The following ATP8A2 variants were observed in gnomAD, a reference collection of about 807,000 sequenced individuals.
ATP8A2 encodes ATPase phospholipid transporting 8A2.
A neutral mutation model predicts 165.6 loss-of-function variants in ATP8A2; 100 were observed. That is an observed-to-expected ratio of 0.60 (90% CI 0.51 to 0.71). The LOEUF is 0.71. ATP8A2 is among the 30% of genes least tolerant of loss of function. ATP8A2 has a pLI of 0.00. For synonymous variants in ATP8A2, 543 were observed against 548.8 expected, an observed-to-expected ratio of 0.99 and a Z score of 0.15; for missense variants, 1,227 against 1,479.5, an observed-to-expected ratio of 0.83 and a Z score of 2.80.
In ATP8A2 at chr13:25,646,671, A is replaced by C. The variant is rs78749111; in HGVS notation, c.2212-52502A>C. Among the ~76,000 whole-genome samples the C allele has an allele frequency of 9.7e-5, 12 of 124,002 alleles. 3 individuals are homozygous for C. The highest frequency in any genetic ancestry group is 1.9e-4 in the Admixed American group (2 of 10,604). The allele number at this position is 124,002 out of a possible 152,430, so 81.4% of individuals were successfully genotyped here. Reference sequence around the variant, plus strand: ...CTCCATCTCAAAAAAAAAAAAAAAAACACACAAAAGAATCATTTAGTCACT... The same window carrying C: ...CTCCATCTCAAAAAAAAAAAAAAAACCACACAAAAGAATCATTTAGTCACT... On this transcript the variant is annotated intron_variant, in intron 24 of 36. Transcript: ENST00000381655.
intron 33 of ATP8A2, among the ~76,000 whole-genome samples, chr13:25,951,701 A>G (rs1955367340): frequency 6.6e-6 from 1 of 152,118 alleles, no homozygotes; most frequent in Non-Finnish European, 1.5e-5. Context: ...GGTGCTTTTG[A>G]GAACCCCTTA....
rs1411842072 is a variant in ATP8A2, at chr13:25,973,700, T to C, written c.3377+5021T>C. 6.6e-5 allele frequency among the ~76,000 whole-genome samples: 10 copies of C among 152,342 alleles called. No individual in the cohort carries two copies. The East Asian group carries it at 1.7e-3, about 26-fold the overall frequency. ...TTAAAACAGTGTTGAAAAAACTGTTTAGTATCATCACACCTCTAAGTCAAA... is the reference window on the plus strand; with the variant it reads ...TTAAAACAGTGTTGAAAAAACTGTTCAGTATCATCACACCTCTAAGTCAAA... On this transcript the variant is annotated intron_variant, in intron 35 of 36. Transcript: ENST00000381655.
intron 33 of ATP8A2, among the ~76,000 whole-genome samples, chr13:25,952,735 C>T (rs901067644): frequency 6.6e-6 from 1 of 152,144 alleles, no homozygotes; most frequent in Non-Finnish European, 1.5e-5. Flanking sequence ...CTGATATTTG[C>T]CTTCCCAGCA....
chr13:25,964,002 C>A (rs1955719902), intron 34 of ATP8A2, among the ~76,000 whole-genome samples: 2 of 152,230 alleles, frequency 1.3e-5, no homozygotes, highest in South Asian at 4.1e-4. Context: ...AGAGCATAAA[C>A]CCGGGCTCTG....
intron 1 of ATP8A2, among the ~76,000 whole-genome samples, chr13:25,454,353 G>A (rs2035306381): frequency 6.6e-6 from 1 of 152,132 alleles, no homozygotes; most frequent in African/African-American, 2.4e-5. Flanking sequence ...TGGAGCTAGA[G>A]GAGAAGCATC....
intron 27 of ATP8A2, among the ~76,000 whole-genome samples, chr13:25,793,186 T>G (rs1203477301): frequency 6.6e-6 from 1 of 152,198 alleles, no homozygotes; most frequent in Non-Finnish European, 1.5e-5. Context: ...CTTTCAATTT[T>G]GAGTTAATAT....
intron 1 of ATP8A2, among the ~76,000 whole-genome samples, chr13:25,394,546 C>T (rs967683603): frequency 1.3e-5 from 2 of 152,192 alleles, no homozygotes; most frequent in Non-Finnish European, 2.9e-5. Context: ...AAAGACAAAG[C>T]AGGAGGCGGC....
intron 35 of ATP8A2, among the ~76,000 whole-genome samples, chr13:26,002,920 T>G (rs1369900386): frequency 6.7e-6 from 1 of 148,506 alleles, no homozygotes; most frequent in Non-Finnish European, 1.5e-5. Flanking sequence ...CTTCATCCAC[T>G]CATTCATTGA....
chr13:25,731,018 G>C (rs1294207709), intron 25 of ATP8A2, among the ~76,000 whole-genome samples: 6 of 150,766 alleles, frequency 4.0e-5, no homozygotes, highest in Non-Finnish European at 8.8e-5. Context: ...AAGCTGTAGT[G>C]AGCCATGTTC....
chr13:25,905,756 G>A (rs577880155), intron 33 of ATP8A2, among the ~76,000 whole-genome samples: 4 of 151,800 alleles, frequency 2.6e-5, no homozygotes, highest in East Asian at 1.9e-4. Flanking sequence ...AGGACAGGGC[G>A]TTGGTTCCTG....
chr13:25,888,842 A>G (rs1317079778), intron 33 of ATP8A2, among the ~76,000 whole-genome samples: 2 of 152,212 alleles, frequency 1.3e-5, no homozygotes, highest in African/African-American at 4.8e-5. Flanking sequence ...CTGGGCGACA[A>G]GACGGAAACT....
rs1566230501 is a variant in ATP8A2 at position 25,531,421 on chromosome 13, A to ATATATATGAT, written c.420+768_420+769insGATTATATAT. On this transcript the variant is annotated intron_variant, in intron 4 of 36. Transcript: ENST00000381655. ...GATTATATATATGATTATATATATG[A>ATATATATGAT]TATATATATGATTATATATATGATT... Among the ~76,000 whole-genome samples the ATATATATGAT allele has an allele frequency of 1.9e-3, 57 of 30,180 alleles. 1 individual carries two copies. Among genetic ancestry groups the ATATATATGAT allele is most frequent in the African/African-American group, 9.3e-3 (54 of 5,812 alleles). 19.8% of individuals were successfully genotyped at this position (30,180 alleles called of 152,430 possible).
At chr13:25,458,428 T>G (rs537869928) in intron 1 of ATP8A2, among the ~76,000 whole-genome samples, 3 of 152,354 alleles carry the variant, frequency 2.0e-5, no homozygotes, top group African/African-American at 4.8e-5. Flanking sequence ...TTGCCCATGC[T>G]GGCCTTAAAC....
chr13:25,902,075 T>G (rs951374096), intron 33 of ATP8A2, among the ~76,000 whole-genome samples: 1 of 152,160 alleles, frequency 6.6e-6, no homozygotes, highest in Non-Finnish European at 1.5e-5. Flanking sequence ...AAAAATTTTT[T>G]GGCAATCTAG....
At chr13:25,813,356 G>C (rs995309552) in intron 27 of ATP8A2, among the ~76,000 whole-genome samples, 7 of 138,702 alleles carry the variant, frequency 5.0e-5, no homozygotes, top group African/African-American at 1.9e-4. Flanking sequence ...CAGTGGGAGA[G>C]ACAGGCAAGC....
intron 25 of ATP8A2, among the ~76,000 whole-genome samples, chr13:25,756,264 T>C (rs942531849): frequency 6.6e-6 from 1 of 151,934 alleles, no homozygotes; most frequent in African/African-American, 2.4e-5. Context: ...CAGATGGCAA[T>C]GGCGGTGTCC....
intron 27 of ATP8A2, among the ~76,000 whole-genome samples, chr13:25,784,596 T>C (rs1458707153): frequency 1.3e-5 from 2 of 152,122 alleles, no homozygotes; most frequent in South Asian, 4.1e-4. Context: ...CTTTTGGACA[T>C]TTTGGTTTTT....
intron 24 of ATP8A2, among the ~76,000 whole-genome samples, chr13:25,592,926 G>A (rs1256191991): frequency 6.6e-6 from 1 of 152,140 alleles, no homozygotes; most frequent in Non-Finnish European, 1.5e-5. Context: ...TATAATGACT[G>A]TAATTTATTC....
chr13:25,699,137 C>T (rs772470279), intron 24 of ATP8A2, 36 bp from the exon 25 acceptor site: 284 of 1,458,158 alleles, frequency 1.9e-4, no homozygotes, highest in Non-Finnish European at 2.4e-4. Context: ...ATTAAACACA[C>T]AAAAAATGTG....
Sources: gnomAD v4.1 joint callset for allele counts (sites outside exome capture counted in the v4.1 genomes callset) on GRCh38, gnomAD v4.1.1 for gene constraint, MANE v1.5 for transcripts, NCBI Gene and HGNC (gene_info 2026-07-23, HGNC 2026-07-21) for gene names.